Variants in AMOTL1 observed in about 807,000 individuals in gnomAD.
The protein encoded by AMOTL1 is angiomotin like 1.
In AMOTL1, 45 loss-of-function variants were observed where a neutral mutation model predicts 102.9. That is an observed-to-expected ratio of 0.44 (90% CI 0.34 to 0.56). The LOEUF is 0.56. Among genes scored for constraint, AMOTL1 ranks in the 20% least tolerant of loss-of-function variants. AMOTL1 has a pLI of 0.01. For missense variants in AMOTL1, 1,114 were observed against 1,225.6 expected (o/e 0.91, Z 1.36); for synonymous variants, 481 against 484.7 (o/e 0.99, Z 0.10).
intron 1 of AMOTL1, among the ~76,000 whole-genome samples, chr11:94,776,059 A>G (rs1463449786): frequency 6.6e-6 from 1 of 152,234 alleles, no homozygotes; most frequent in Non-Finnish European, 1.5e-5. Context: ...ATTAGCACGG[A>G]AAGGTCCTCC....
Position 94,799,529 on chromosome 11 carries a change from C to G in AMOTL1, c.339C>G (p.Thr113=). 1.2e-6 allele frequency: 2 copies of G among 1,613,644 alleles called. No individual in the cohort carries two copies. The highest frequency in any genetic ancestry group is 2.2e-5 in the East Asian group (1 of 44,840). The change falls in exon 3 of 13, where the codon ACC becomes ACG. Residue 113 remains threonine (T), a synonymous_variant. Coordinates refer to ENST00000433060, the MANE Select transcript of AMOTL1 (RefSeq NM_130847.3). This position sits in a 1 kb window ranked among gnomAD's most constrained non-coding sequence, Gnocchi z 4.5. The part of the protein sequence containing the change: ...IQEQLRYGTP[T]ENMNLLAIQH... ...AACAACTGCGGTATGGCACCCCAAC[C>G]GAGAACATGAACTTGCTGGCCATTC...
chr11:94,771,500 T>A (rs1445456036), intron 1 of AMOTL1, among the ~76,000 whole-genome samples: 1 of 152,066 alleles, frequency 6.6e-6, no homozygotes. Context: ...TGTTGTGGTT[T>A]TATGTTTTGT....
intron 1 of AMOTL1, among the ~76,000 whole-genome samples, chr11:94,713,545 T>C (rs1231040249): frequency 6.8e-6 from 1 of 147,352 alleles, no homozygotes; most frequent in African/African-American, 2.7e-5. Context: ...GTCTTCTTTG[T>C]TTTTTTTAAT....
rs1338177462 is a variant in AMOTL1, at chr11:94,860,365, C to A, written c.2135+650C>A. On this transcript the variant is annotated intron_variant, in intron 9 of 12. Transcript: ENST00000433060. ...AAAACATTTCATTTAGTTTGAAATT[C>A]TTTTCTGCTGCTGTCAGTTTTTACC... Among the ~76,000 whole-genome samples the A allele has an allele frequency of 2.0e-5, 3 of 152,180 alleles. No homozygotes were observed. The East Asian group carries it at 5.8e-4, about 29-fold the overall frequency.
intron 3 of AMOTL1, chr11:94,820,356 G>C (rs1951842287): frequency 6.6e-6 from 1 of 152,464 alleles, no homozygotes; most frequent in South Asian, 2.1e-4. Context: ...AGGAGAGGCA[G>C]CTCCTCCCCT....
intron 3 of AMOTL1, among the ~76,000 whole-genome samples, chr11:94,813,696 G>A (rs576896353): frequency 2.6e-5 from 4 of 152,272 alleles, no homozygotes; most frequent in African/African-American, 9.6e-5. Context: ...ATGTGTACAA[G>A]GAAGTCCAAC....
chr11:94,832,401 A>G (rs1427769759), intron 6 of AMOTL1, among the ~76,000 whole-genome samples: 4 of 152,210 alleles, frequency 2.6e-5, no homozygotes, highest in Non-Finnish European at 4.4e-5. Context: ...CATTTTAAAG[A>G]CTGGAAAATA....
At chr11:94,719,050 G>A (rs1278337881) in intron 1 of AMOTL1, among the ~76,000 whole-genome samples, 2 of 151,736 alleles carry the variant, frequency 1.3e-5, no homozygotes. Context: ...GCTGTGAATA[G>A]GAATCCACTT....
intron 3 of AMOTL1, among the ~76,000 whole-genome samples, chr11:94,744,608 C>T (rs1477504662): frequency 1.3e-5 from 2 of 152,036 alleles, no homozygotes; most frequent in East Asian, 3.9e-4. Context: ...GAGAATAGGT[C>T]GGTGGGCTGG....
intron 1 of AMOTL1, among the ~76,000 whole-genome samples, chr11:94,717,794 T>A (rs1372778510): frequency 6.6e-6 from 1 of 151,616 alleles, no homozygotes; most frequent in Non-Finnish European, 1.5e-5. Context: ...AAATATACTT[T>A]AAAAATTTTA....
intron 2 of AMOTL1, among the ~76,000 whole-genome samples, chr11:94,798,940 G>A: frequency 6.6e-6 from 1 of 152,152 alleles, no homozygotes; most frequent in East Asian, 1.9e-4. Flanking sequence ...GAGACAGCAA[G>A]TGTAGGGTAC....
chr11:94,737,965 T>G (rs1434441318), intron 2 of AMOTL1, among the ~76,000 whole-genome samples: 1 of 152,164 alleles, frequency 6.6e-6, no homozygotes, highest in African/African-American at 2.4e-5. Flanking sequence ...TGGAGATACA[T>G]AGAGTCAAGA....
chr11:94,815,369 A>T (rs1220356467), intron 3 of AMOTL1, among the ~76,000 whole-genome samples: 1 of 152,166 alleles, frequency 6.6e-6, no homozygotes, highest in Non-Finnish European at 1.5e-5. Flanking sequence ...AAATTTGTCT[A>T]ATGTTAAGGT....
intron 2 of AMOTL1, among the ~76,000 whole-genome samples, chr11:94,739,423 C>T (rs1308359685): frequency 6.6e-6 from 1 of 152,154 alleles, no homozygotes; most frequent in Non-Finnish European, 1.5e-5. Flanking sequence ...AGGACAGCCC[C>T]ACCCCTGCTT....
At chr11:94,777,338 T>C (rs947081729) in intron 1 of AMOTL1, among the ~76,000 whole-genome samples, 1 of 151,910 alleles carries the variant, frequency 6.6e-6, no homozygotes, top group Non-Finnish European at 1.5e-5. Context: ...TGAATAAATA[T>C]ACCTTAGCTG....
intron 2 of AMOTL1, among the ~76,000 whole-genome samples, chr11:94,734,003 C>T (rs759675631): frequency 2.6e-5 from 4 of 152,172 alleles, no homozygotes; most frequent in South Asian, 4.1e-4. Context: ...TGGTGGGGAA[C>T]GCAGTGCAGG....
chr11:94,826,035 A>AAG (rs1429760536), intron 4 of AMOTL1, among the ~76,000 whole-genome samples: 1 of 152,230 alleles, frequency 6.6e-6, no homozygotes, highest in Non-Finnish European at 1.5e-5. Flanking sequence ...CTGTAATCCC[A>AAG]GCACTTTGGG....
At chr11:94,864,567 G>T (rs1460263624) in intron 9 of AMOTL1, among the ~76,000 whole-genome samples, 168 bp from the exon 10 acceptor site, 1 of 152,180 alleles carries the variant, frequency 6.6e-6, no homozygotes, top group Non-Finnish European at 1.5e-5. Flanking sequence ...AGATGAGATT[G>T]ATAACTGAGC....
rs1460630377 is a variant in AMOTL1 at position 94,876,207 on chromosome 11, T to G, written c.*5412T>G. On this transcript the variant is annotated 3_prime_UTR_variant, in exon 13 of 13. Transcript: ENST00000433060. ...AGCAAATATATCCACATTGGTTTTA[T>G]TTGAATCAAGGTGTTTTTTTGTTTT... is the stretch of plus-strand genomic sequence containing the variant. 1 of 152,668 alleles carries G rather than the reference T, an allele frequency of 6.6e-6. No homozygotes were observed. The allele number at this position is 152,668 out of a possible 1,614,324, so 9.5% of individuals were successfully genotyped here.
Sources: gnomAD v4.1 joint callset for allele counts (sites outside exome capture counted in the v4.1 genomes callset) on GRCh38, gnomAD v4.1.1 for gene constraint, Gnocchi (gnomAD v3.1) non-coding constraint, MANE v1.5 for transcripts, NCBI Gene and HGNC (gene_info 2026-07-23, HGNC 2026-07-21) for gene names.